The following WWOX variants were observed in gnomAD, a reference collection of about 807,000 sequenced individuals.
The protein encoded by WWOX is WW domain containing oxidoreductase.
Under a neutral mutation model 46.2 loss-of-function variants are expected in WWOX, and 69 were observed. The observed-to-expected ratio is 1.49, with a 90% CI of 1.23 to 1.82. The LOEUF (loss-of-function observed/expected upper bound fraction) is 1.82. Among genes scored for constraint, WWOX ranks in the 40% most tolerant of loss-of-function variants. The pLI, the probability that WWOX is intolerant of heterozygous loss-of-function variation, is 0.00. For missense variants in WWOX, 919 were observed against 542.6 expected, an observed-to-expected ratio of 1.69 and a Z score of -6.89; for synonymous variants, 359 against 202.6, an observed-to-expected ratio of 1.77 and a Z score of -6.56.
chr16:78,887,116 G>A (rs2044480320), intron 8 of WWOX, among the ~76,000 whole-genome samples: 1 of 101,826 alleles, frequency 9.8e-6, no homozygotes, highest in Non-Finnish European at 2.3e-5. Context: ...GTGTGTGTGT[G>A]TGTGTGTGTG....
chr16:78,784,457 A>C (rs552918195), intron 8 of WWOX, among the ~76,000 whole-genome samples: 2 of 151,996 alleles, frequency 1.3e-5, no homozygotes, highest in South Asian at 4.2e-4. Flanking sequence ...CTTACCCATT[A>C]GGGATTATTA....
At chr16:78,598,117 GGGAATCAT>G (rs1353442085) in intron 8 of WWOX, among the ~76,000 whole-genome samples, 4 of 152,116 alleles carry the variant, frequency 2.6e-5, no homozygotes, top group African/African-American at 7.2e-5. Flanking sequence ...CCAATGTTTA[GGGAATCAT>G]GGATTTTCTA....
chr16:78,514,966 T>A (rs904508246), intron 8 of WWOX, among the ~76,000 whole-genome samples: 29 of 152,114 alleles, frequency 1.9e-4, no homozygotes, highest in African/African-American at 6.0e-4. Flanking sequence ...ATGGCTATAA[T>A]CCCAGCACTT....
chr16:78,169,975 G>A (rs897601507), intron 5 of WWOX, among the ~76,000 whole-genome samples: 1 of 152,188 alleles, frequency 6.6e-6, no homozygotes, highest in African/African-American at 2.4e-5. Flanking sequence ...GCTGGACATT[G>A]AGATGGCCAC....
chr16:78,307,793 G>A (rs536507848), intron 5 of WWOX, among the ~76,000 whole-genome samples: 1 of 152,160 alleles, frequency 6.6e-6, no homozygotes, highest in Non-Finnish European at 1.5e-5. Flanking sequence ...AGGTTTTGCA[G>A]ATTGCTGCCC....
intron 8 of WWOX, among the ~76,000 whole-genome samples, chr16:78,999,943 T>C (rs977904337): frequency 3.3e-5 from 5 of 152,200 alleles, no homozygotes; most frequent in African/African-American, 7.2e-5. Context: ...TGTGCCATAT[T>C]TTCACCGGGA....
At chr16:78,217,172 C>T (rs2036749119) in intron 5 of WWOX, among the ~76,000 whole-genome samples, 1 of 152,192 alleles carries the variant, frequency 6.6e-6, no homozygotes, top group South Asian at 2.1e-4. Context: ...TTTTGTCTAC[C>T]ACAACGTGAG....
At chr16:78,889,638 G>A (rs192516546) in intron 8 of WWOX, among the ~76,000 whole-genome samples, 42 of 152,222 alleles carry the variant, frequency 2.8e-4, no homozygotes, top group Non-Finnish European at 5.1e-4. Flanking sequence ...CTAGAAATTT[G>A]TTGTTTCCTT....
chr16:78,437,331 T>A (rs1412149253), intron 8 of WWOX, among the ~76,000 whole-genome samples: 1 of 152,252 alleles, frequency 6.6e-6, no homozygotes, highest in Admixed American at 6.5e-5. Context: ...GGAATATTGT[T>A]GCAGATCAGT....
chr16:78,794,130 A>C (rs1386652523), intron 8 of WWOX, among the ~76,000 whole-genome samples: 1 of 152,138 alleles, frequency 6.6e-6, no homozygotes, highest in Non-Finnish European at 1.5e-5. Flanking sequence ...CAGAGCCTGC[A>C]TAATTGCATG....
chr16:78,806,968 A>C (rs2051057576), intron 8 of WWOX, among the ~76,000 whole-genome samples: 1 of 152,186 alleles, frequency 6.6e-6, no homozygotes. Context: ...TACTAGCCAC[A>C]TGACTGGGTC....
intron 8 of WWOX, among the ~76,000 whole-genome samples, chr16:78,481,829 AAC>A (rs2084499688): frequency 6.6e-6 from 1 of 151,700 alleles, no homozygotes; most frequent in African/African-American, 2.4e-5. Flanking sequence ...GTGAAGACAT[AAC>A]ACATATCTAT....
chr16:79,002,316 C>G (rs998709064), intron 8 of WWOX, among the ~76,000 whole-genome samples: 2 of 139,270 alleles, frequency 1.4e-5, no homozygotes, highest in Non-Finnish European at 3.0e-5. Flanking sequence ...CTCCACCTTC[C>G]AAGTTCAAGT....
chr16:78,897,328 A>C (rs1597121257), intron 8 of WWOX: 1 of 151,784 alleles, frequency 6.6e-6, no homozygotes, highest in Admixed American at 6.6e-5. Flanking sequence ...CTCCTTTCCA[A>C]TAAATCCTTT....
chr16:79,055,104 A>G (rs930225455), intron 8 of WWOX, among the ~76,000 whole-genome samples: 1 of 152,236 alleles, frequency 6.6e-6, no homozygotes, highest in Non-Finnish European at 1.5e-5. Flanking sequence ...ATAAAACTAA[A>G]TAATCCATAT....
At chr16:78,832,306 C>T (rs919169562) in intron 8 of WWOX, among the ~76,000 whole-genome samples, 1 of 152,168 alleles carries the variant, frequency 6.6e-6, no homozygotes, top group Non-Finnish European at 1.5e-5. Context: ...ATCTGGTCTC[C>T]CACAGAGTGA....
At chr16:79,089,577 G>C (rs924251144) in intron 8 of WWOX, among the ~76,000 whole-genome samples, 1 of 152,024 alleles carries the variant, frequency 6.6e-6, no homozygotes, top group African/African-American at 2.4e-5. Flanking sequence ...TGATCTGCCC[G>C]CCTCAAAGTC....
Position 78,824,574 on chromosome 16 carries a change from T to A in WWOX, c.1057-387034T>A, listed in dbSNP as rs553850763. On this transcript the variant is annotated intron_variant, in intron 8 of 8. Transcript: ENST00000566780. The stretch of plus-strand genomic sequence containing the variant: ...AAAGAGGTTTAATTGGACTTACAGT[T>A]CCGCACGGCTGGGGAGGCCTCAGAA... Among the ~76,000 whole-genome samples the A allele has an allele frequency of 7.2e-5, 11 of 152,116 alleles. 2 individuals carry two copies. Among genetic ancestry groups the A allele is most frequent in the African/African-American group, 2.6e-4 (11 of 41,516 alleles).
intron 8 of WWOX, among the ~76,000 whole-genome samples, chr16:78,698,109 C>T (rs183773298): frequency 6.6e-6 from 1 of 152,192 alleles, no homozygotes; most frequent in Non-Finnish European, 1.5e-5. Flanking sequence ...ATTTTCAACT[C>T]TCTCATTGGC....
Sources: allele counts gnomAD v4.1 joint callset (sites outside exome capture counted in the v4.1 genomes callset), GRCh38; gene constraint gnomAD v4.1.1; transcripts MANE v1.5; gene names NCBI Gene and HGNC (gene_info 2026-07-23, HGNC 2026-07-21).